EPHA6: variants seen among roughly 807,000 people sequenced by gnomAD.
The protein encoded by EPHA6 is ephrin type-A receptor 6.
EPHA6 carries 50 observed loss-of-function variants against 112.0 expected under a neutral mutation model. The observed-to-expected ratio is 0.45, with a 90% CI of 0.36 to 0.56. The LOEUF (loss-of-function observed/expected upper bound fraction) is 0.56. EPHA6 is among the 20% of genes least tolerant of loss of function. EPHA6 has a pLI of 0.00. For missense variants in EPHA6, 1,280 were observed against 1,417.4 expected (o/e 0.90, Z 1.56); for synonymous variants, 529 against 490.7 (o/e 1.08, Z -1.03).
At chr3:97,021,629 A>G (rs2044463515) in intron 3 of EPHA6, among the ~76,000 whole-genome samples, 1 of 152,234 alleles carries the variant, frequency 6.6e-6, no homozygotes, top group Admixed American at 6.5e-5. Flanking sequence ...CCTTACTTGC[A>G]GAAGCCCACA....
At chr3:97,744,132 A>T (rs916328950) in intron 16 of EPHA6, among the ~76,000 whole-genome samples, 17 of 152,026 alleles carry the variant, frequency 1.1e-4, no homozygotes, top group African/African-American at 2.4e-4. Context: ...CCATAATTTT[A>T]CCTGAAATAT....
At chr3:97,340,265 C>A in intron 5 of EPHA6, among the ~76,000 whole-genome samples, 1 of 152,140 alleles carries the variant, frequency 6.6e-6, no homozygotes, top group East Asian at 1.9e-4. Context: ...ACTCCCACAA[C>A]CACCCGTGGT....
rs796705721 is a variant in EPHA6, at chr3:97,538,981, C to CTCTTTCTTTCTTTCTT, written c.2386+6479_2386+6494dup. On this transcript the variant is annotated intron_variant, in intron 11 of 17. Coordinates refer to ENST00000389672, the MANE Select transcript of EPHA6 (RefSeq NM_001080448.3). Reference sequence around the variant, plus strand: ...CTACTACATACTGGACACTTTCTCTCTCTTTCTTTCTTTCTTTCTTTCTTT... The same window carrying CTCTTTCTTTCTTTCTT: ...CTACTACATACTGGACACTTTCTCTCTCTTTCTTTCTTTCTTTCTTTCTTTCTTTCTTTCTTTCTTT... Among the ~76,000 whole-genome samples, 651 of 130,198 alleles carry CTCTTTCTTTCTTTCTT rather than the reference C, an allele frequency of 5.0e-3. 5 individuals carry two copies. The highest frequency in any genetic ancestry group is 0.012 in the Middle Eastern group (3 of 258). 85.4% of individuals were successfully genotyped at this position (130,198 alleles called of 152,430 possible).
intron 11 of EPHA6, among the ~76,000 whole-genome samples, chr3:97,571,091 G>GA (rs763050806): frequency 2.0e-5 from 3 of 152,124 alleles, no homozygotes; most frequent in Non-Finnish European, 4.4e-5. Flanking sequence ...ATTCTGGGAT[G>GA]GACAGAAGAG....
intron 14 of EPHA6, among the ~76,000 whole-genome samples, chr3:97,654,585 C>G (rs1226074313): frequency 6.6e-6 from 1 of 151,844 alleles, no homozygotes. Context: ...AAGGTTGTCA[C>G]CTTTGAAGTA....
intron 5 of EPHA6, among the ~76,000 whole-genome samples, chr3:97,280,758 G>A (rs1467158073): frequency 6.6e-6 from 1 of 152,082 alleles, no homozygotes; most frequent in Admixed American, 6.5e-5. Context: ...GTGCAAATAT[G>A]AGGGCAAGTT....
intron 1 of EPHA6, among the ~76,000 whole-genome samples, chr3:96,843,610 T>C (rs1390412845): frequency 6.6e-6 from 1 of 152,000 alleles, no homozygotes; most frequent in Non-Finnish European, 1.5e-5. Context: ...TTCGTTTTCC[T>C]AGCAAGAGAA....
chr3:97,272,815 G>A (rs1379191851), intron 5 of EPHA6, among the ~76,000 whole-genome samples: 8 of 152,178 alleles, frequency 5.3e-5, no homozygotes, highest in Non-Finnish European at 1.0e-4. Context: ...ATGTGTACGT[G>A]CAGGTCACAG....
Position 97,538,587 on chromosome 3 carries a change from T to C in EPHA6, c.2386+6044T>C, listed in dbSNP as rs781479691. 4.6e-5 allele frequency among the ~76,000 whole-genome samples: 7 copies of C among 151,960 alleles called. No individual in the cohort carries two copies. In the East Asian group the frequency reaches 9.7e-4, roughly 21 times the overall value. On this transcript the variant is annotated intron_variant, in intron 11 of 17. Coordinates refer to ENST00000389672, the MANE Select transcript of EPHA6 (RefSeq NM_001080448.3). ...AGGGAGGATGAGATTACCCAGAAGA[T>C]TGAGGAGAACTAGCATTAAGAGGCC...
At chr3:96,851,068 T>C (rs1044877157) in intron 1 of EPHA6, among the ~76,000 whole-genome samples, 1 of 152,074 alleles carries the variant, frequency 6.6e-6, no homozygotes, top group Non-Finnish European at 1.5e-5. Flanking sequence ...CCAGCATGAG[T>C]GCTAATTAAG....
chr3:97,705,969 G>C (rs1256851075), intron 14 of EPHA6, among the ~76,000 whole-genome samples: 5 of 152,120 alleles, frequency 3.3e-5, no homozygotes, highest in Non-Finnish European at 7.4e-5. Flanking sequence ...AATGAACAAG[G>C]CTTCAGAACC....
chr3:97,463,741 A>G (rs1053761974), intron 7 of EPHA6, among the ~76,000 whole-genome samples: 33 of 152,186 alleles, frequency 2.2e-4, no homozygotes, highest in African/African-American at 7.5e-4. Context: ...TGATGGGAGA[A>G]AGGAAGGTTA....
intron 3 of EPHA6, among the ~76,000 whole-genome samples, chr3:97,047,218 G>A (rs188141594): frequency 5.9e-4 from 90 of 151,826 alleles, no homozygotes; most frequent in Non-Finnish European, 1.3e-3. Context: ...AAGAAACCAG[G>A]GGCCGGGCAC....
At chr3:97,028,198 A>T (rs1274396524) in intron 3 of EPHA6, among the ~76,000 whole-genome samples, 1 of 152,154 alleles carries the variant, frequency 6.6e-6, no homozygotes, top group Non-Finnish European at 1.5e-5. Flanking sequence ...CTGATTTAGT[A>T]ACTAGCTATA....
intron 3 of EPHA6, among the ~76,000 whole-genome samples, chr3:97,203,756 G>C (rs1438566448): frequency 6.6e-6 from 1 of 152,100 alleles, no homozygotes; most frequent in Non-Finnish European, 1.5e-5. Context: ...TGAAAGTCCT[G>C]TCTCCTCATT....
chr3:97,564,092 T>C (rs1356348528), intron 11 of EPHA6, among the ~76,000 whole-genome samples: 1 of 151,992 alleles, frequency 6.6e-6, no homozygotes, highest in Non-Finnish European at 1.5e-5. Flanking sequence ...AAGCGTTAAG[T>C]TAATTAGGGG....
At chr3:97,526,761 T>C (rs143673809) in intron 10 of EPHA6, among the ~76,000 whole-genome samples, 3 of 152,322 alleles carry the variant, frequency 2.0e-5, no homozygotes, top group African/African-American at 7.2e-5. Flanking sequence ...CCCTGTGCCA[T>C]TGGGATTATT....
intron 3 of EPHA6, among the ~76,000 whole-genome samples, chr3:97,079,035 C>A (rs1416977863): frequency 6.6e-6 from 1 of 152,154 alleles, no homozygotes; most frequent in Non-Finnish European, 1.5e-5. Flanking sequence ...GAATATAAAT[C>A]ATTCTATTAC....
At chr3:97,553,502 T>C (rs1206546783) in intron 11 of EPHA6, among the ~76,000 whole-genome samples, 1 of 152,054 alleles carries the variant, frequency 6.6e-6, no homozygotes, top group Non-Finnish European at 1.5e-5. Flanking sequence ...GGCAGAAGGC[T>C]AAGAGTAAGC....
Sources: gnomAD v4.1 joint callset for allele counts (sites outside exome capture counted in the v4.1 genomes callset) on GRCh38, gnomAD v4.1.1 for gene constraint, MANE v1.5 for transcripts, NCBI Gene and HGNC (gene_info 2026-07-23, HGNC 2026-07-21) for gene names.